Variants in BCAR1 observed in about 807,000 individuals in gnomAD.
BCAR1 encodes the protein BCAR1 scaffold protein, Cas family member, also known as breast cancer anti-estrogen resistance protein 1.
A neutral mutation model predicts 67.6 loss-of-function variants in BCAR1; 30 were observed. That is an observed-to-expected ratio of 0.44 (90% CI 0.33 to 0.60). The LOEUF is 0.60. BCAR1 is among the 20% of genes least tolerant of loss of function. The pLI is 0.02. For missense variants in BCAR1, 1,313 were observed against 1,222.3 expected (o/e 1.07, Z -1.11); for synonymous variants, 626 against 556.7 (o/e 1.12, Z -1.75).
chr16:75,247,301 T>G (rs2077549140), intron 1 of BCAR1: 2 of 152,698 alleles, frequency 1.3e-5, no homozygotes, highest in African/African-American at 4.8e-5. Flanking sequence ...CCCAGCCTGA[T>G]GCCAGCACTC....
chr16:75,258,264 C>T (rs889178881), intron 1 of BCAR1, among the ~76,000 whole-genome samples: 6 of 152,242 alleles, frequency 3.9e-5, no homozygotes, highest in Non-Finnish European at 8.8e-5. Context: ...CCTCACCTTC[C>T]CTGAAACCTT....
chr16:75,256,325 G>C (rs1056920238), upstream of BCAR1: 1 of 62,412 alleles, frequency 1.6e-5, no homozygotes, highest in African/African-American at 9.5e-5. Flanking sequence ...CCTCCACTGC[G>C]GGGCAGTGTT....
intron 5 of BCAR1, among the ~76,000 whole-genome samples, chr16:75,234,164 GACACACACACAC>G (rs60447098): frequency 9.5e-5 from 9 of 94,958 alleles, no homozygotes; most frequent in African/African-American, 2.2e-4. Context: ...CAGGCAGACA[GACACACACACAC>G]ACACACACAC....
chr16:75,245,054 C>A (rs1372921936), intron 1 of BCAR1, among the ~76,000 whole-genome samples: 2 of 152,176 alleles, frequency 1.3e-5, no homozygotes, highest in African/African-American at 2.4e-5. Context: ...TGAGGCAGGA[C>A]GGGACAGGCA....
At position 75,267,909 on chromosome 16, in the gene BCAR1, A is replaced by T. The variant is rs764615874; in HGVS notation, c.66+6T>A. 3 of 1,599,658 alleles carry T rather than the reference A, an allele frequency of 1.9e-6. No homozygotes were observed. In the South Asian group the frequency reaches 3.4e-5, roughly 18 times the overall value. On this transcript the variant is annotated splice_donor_region_variant and intron_variant, in intron 1 of 6. Transcript: ENST00000393422. ...AGAGGGGACCCTGGCTAGAGCCCTC[A>T]CTTACTCTGAGGCAGGGATCCTTGG...
chr16:75,257,339 G>A (rs2077801940), intron 1 of BCAR1, among the ~76,000 whole-genome samples: 4 of 152,230 alleles, frequency 2.6e-5, no homozygotes, highest in Admixed American at 2.6e-4. Context: ...CACTCTGCTG[G>A]GGTCAGCAGG....
rs775945746 is a variant in BCAR1 at position 75,235,950 on chromosome 16, G to A, written c.949C>T (p.Pro317Ser). 4.0e-5 allele frequency: 63 copies of A among 1,574,644 alleles called. No individual in the cohort carries two copies. The highest frequency in any genetic ancestry group is 5.3e-5 in the Non-Finnish European group (62 of 1,159,602). ...TCCTCACGCAGCAGTGGGCCATCGGGCACATCCTTGCTCACCGATGGAGGA... is the reference window on the plus strand; with the variant it reads ...TCCTCACGCAGCAGTGGGCCATCGGACACATCCTTGCTCACCGATGGAGGA... ...DVPPSVSKDV[P>S]DGPLLREETY... The change falls in exon 5 of 7, where the codon CCC becomes TCC. Residue 317 changes from proline (P) to serine (S), a missense_variant. By Grantham distance (74) the Pro-to-Ser change is moderately conservative. Around this residue, in one of 2 missense-constraint regions of BCAR1, gnomAD observed 1,272 missense variants for 1,137.5 expected, o/e 1.12. Transcript: ENST00000162330.
intron 1 of BCAR1, among the ~76,000 whole-genome samples, chr16:75,244,438 C>G (rs996872798): frequency 6.6e-6 from 1 of 152,208 alleles, no homozygotes; most frequent in South Asian, 2.1e-4. Context: ...GTCCCTAGGG[C>G]CCACCCTCCT....
chr16:75,242,891 G>A lies in BCAR1; in HGVS notation c.212C>T (p.Pro71Leu), dbSNP rs1173204644. 4 of 1,611,364 alleles carry A rather than the reference G, an allele frequency of 2.5e-6. No homozygotes were observed. The highest frequency in any genetic ancestry group is 3.4e-6 in the Non-Finnish European group (4 of 1,179,666). ...GGGAGGGCCGGGGCCAGGCCCTGCT[G>A]GCTTCTTATCATACATGCCCACCAA... The part of the protein sequence containing the change: ...KILVGMYDKK[P>L]AGPGPGPPAT... Residue 71 changes from proline (P) to leucine (L), a missense_variant, in exon 2 of 7, where the codon CCA becomes CTA. Pro to Leu is a moderately conservative substitution (Grantham distance 98). Around this residue, in one of 2 missense-constraint regions of BCAR1, gnomAD observed 1,272 missense variants for 1,137.5 expected, o/e 1.12. Transcript: ENST00000162330.
In BCAR1 at chr16:75,235,080, G is replaced by T; in HGVS notation, c.1819C>A (p.Arg607=). 6.2e-7 allele frequency: 1 copy of T among 1,612,796 alleles called. No homozygotes were observed. The change falls in exon 5 of 7, where the codon CGG becomes AGG. Residue 607 remains arginine (R), a synonymous_variant. Transcript: ENST00000162330. ...GGCCCCGGGGCAGTGGCCTTGGTCC[G>T]TCTGAAGAGCAGTGAGGCATTGCCG... is the stretch of plus-strand genomic sequence containing the variant. ...LHGNASLLFR[R]TKATAPGPEG...
At chr16:75,256,984 T>C (rs1042844079) in intron 1 of BCAR1, among the ~76,000 whole-genome samples, 2 of 152,040 alleles carry the variant, frequency 1.3e-5, no homozygotes, top group Non-Finnish European at 2.9e-5. Flanking sequence ...CTGCGCCCTA[T>C]GGCAGAGGCA....
At chr16:75,240,959 A>G (rs1323643821) in intron 2 of BCAR1, among the ~76,000 whole-genome samples, 2 of 152,254 alleles carry the variant, frequency 1.3e-5, no homozygotes, top group South Asian at 4.1e-4. Context: ...GCTGCTCCCC[A>G]GCCCACAGGG....
chr16:75,250,559 G>C (rs2077648557), intron 1 of BCAR1: 3 of 865,878 alleles, frequency 3.5e-6, no homozygotes, highest in Non-Finnish European at 4.2e-6. Flanking sequence ...CCTTGTGGTA[G>C]AAAAGGAGCT....
rs1311483063 is a variant in BCAR1, at chr16:75,264,323, T to TTACCTAATCA, written c.66+3591_66+3592insTGATTAGGTA. Reference sequence around the variant, plus strand: ...AGGCTGGGATGTGGCCAGAGTGACATTCCCTAATCACTACTGCCCTGGGAT... The same window carrying TTACCTAATCA: ...AGGCTGGGATGTGGCCAGAGTGACATTACCTAATCATCCCTAATCACTACTGCCCTGGGAT... On this transcript the variant is annotated intron_variant, in intron 1 of 6. Transcript: ENST00000393422. 1.6e-5 allele frequency: 23 copies of TTACCTAATCA among 1,462,620 alleles called. No homozygotes were observed. The African/African-American group carries it at 3.3e-4, about 21-fold the overall frequency. 90.6% of individuals were successfully genotyped at this position (1,462,620 alleles called of 1,614,324 possible). A position where few individuals can be genotyped will look rare whatever the true frequency, so the allele number is the denominator to read the frequency against.
upstream of BCAR1, among the ~76,000 whole-genome samples, chr16:75,253,474 G>A (rs946934231): frequency 8.5e-5 from 13 of 152,158 alleles, no homozygotes; most frequent in African/African-American, 3.1e-4. Flanking sequence ...GCCAAGGAGG[G>A]CGGTGCAGAG....
In BCAR1 at chr16:75,245,089, C is replaced by A. The variant is rs1275258454; in HGVS notation, c.13-1999G>T. 2.0e-5 allele frequency among the ~76,000 whole-genome samples: 3 copies of A among 152,370 alleles called. No individual in the cohort carries two copies. In the South Asian group the frequency reaches 6.2e-4, roughly 32 times the overall value. ...AGTGCGGCAGGTCTAGGGGCCAGAG[C>A]CCCACAGAGGAGCGGGAGGGCGGGG... On this transcript the variant is annotated intron_variant, in intron 1 of 6. Transcript: ENST00000162330.
chr16:75,239,903 A>G (rs1424419545), intron 2 of BCAR1, among the ~76,000 whole-genome samples: 1 of 152,190 alleles, frequency 6.6e-6, no homozygotes, highest in East Asian at 1.9e-4. Context: ...GCCTGACCTC[A>G]CGCCATGGCT....
chr16:75,239,729 C>T (rs1051122186), intron 2 of BCAR1, among the ~76,000 whole-genome samples: 3 of 152,190 alleles, frequency 2.0e-5, no homozygotes, highest in African/African-American at 7.2e-5. Context: ...GGGGCTCACC[C>T]GACCTGGGTC....
At position 75,232,131 on chromosome 16, in the gene BCAR1, G is replaced by A. The variant is rs140710407; in HGVS notation, c.2100+1715C>T. On this transcript the variant is annotated intron_variant, in intron 6 of 6. Coordinates refer to ENST00000162330, the MANE Select transcript of BCAR1 (RefSeq NM_014567.5). ...ACTCCCGACCTCAGGTGATCCGCCCGCCTCGGCACCCAGGAGGTTTTTAAA... is the reference window on the plus strand; with the variant it reads ...ACTCCCGACCTCAGGTGATCCGCCCACCTCGGCACCCAGGAGGTTTTTAAA... 7.1e-3 allele frequency among the ~76,000 whole-genome samples: 1,079 copies of A among 151,936 alleles called. 10 individuals are homozygous for A. Among genetic ancestry groups the A allele is most frequent in the African/African-American group, 0.025 (1,024 of 41,418 alleles).
Sources: allele counts gnomAD v4.1 joint callset (sites outside exome capture counted in the v4.1 genomes callset), GRCh38; gene constraint gnomAD v4.1.1; regional missense constraint gnomAD v4.1.1; transcripts MANE v1.5; gene names NCBI Gene and HGNC (gene_info 2026-07-23, HGNC 2026-07-21).